The following C1orf21 variants were observed in gnomAD, a reference collection of about 807,000 sequenced individuals.
C1orf21 encodes the protein uncharacterized protein C1orf21.
A neutral mutation model predicts 18.7 loss-of-function variants in C1orf21; 3 were observed. The ratio of observed to expected loss-of-function variants is 0.16; its 90% confidence interval spans 0.07 to 0.42. The LOEUF is 0.42. Ranked by LOEUF, C1orf21 falls within the 10% of genes least tolerant of loss-of-function variation. The pLI, the probability that C1orf21 is intolerant of heterozygous loss-of-function variation, is 0.99. For missense variants in C1orf21, 104 were observed against 143.6 expected, an observed-to-expected ratio of 0.72 and a Z score of 1.41; for synonymous variants, 41 against 46.4, an observed-to-expected ratio of 0.88 and a Z score of 0.47.
intron 1 of C1orf21, among the ~76,000 whole-genome samples, chr1:184,460,221 C>G (rs1035703051): frequency 6.6e-6 from 1 of 152,174 alleles, no homozygotes; most frequent in African/African-American, 2.4e-5. Context: ...CAGGGAACAG[C>G]AAGAGGTAGG....
At chr1:184,419,871 C>T (rs1442776120) in intron 1 of C1orf21, among the ~76,000 whole-genome samples, 2 of 152,104 alleles carry the variant, frequency 1.3e-5, no homozygotes, top group African/African-American at 4.8e-5. Flanking sequence ...AAGGGCACAG[C>T]GCCAGATTGT....
chr1:184,540,491 T>C (rs1297109433), intron 3 of C1orf21, among the ~76,000 whole-genome samples: 1 of 152,070 alleles, frequency 6.6e-6, no homozygotes, highest in Non-Finnish European at 1.5e-5. Context: ...TGGAGTGCAG[T>C]GGCACGATCT....
At chr1:184,578,985 G>A (rs1659233613) in intron 3 of C1orf21, among the ~76,000 whole-genome samples, 1 of 120,746 alleles carries the variant, frequency 8.3e-6, no homozygotes. Flanking sequence ...CCATCCTCTT[G>A]TGAAGGTTAA....
chr1:184,558,601 A>G (rs754980264), intron 3 of C1orf21, among the ~76,000 whole-genome samples: 5 of 152,198 alleles, frequency 3.3e-5, no homozygotes, highest in African/African-American at 7.2e-5. Context: ...TTGGCTGCAG[A>G]TGGCCACTCC....
intron 1 of C1orf21, among the ~76,000 whole-genome samples, chr1:184,391,920 A>T (rs945859877): frequency 1.3e-5 from 2 of 151,956 alleles, no homozygotes; most frequent in African/African-American, 4.8e-5. Context: ...GTTGGCCAGG[A>T]TGGTCTCGAT....
chr1:184,468,400 A>AG (rs905308092), intron 1 of C1orf21, among the ~76,000 whole-genome samples: 1 of 152,078 alleles, frequency 6.6e-6, no homozygotes, highest in African/African-American at 2.4e-5. Flanking sequence ...TTTATTAAGG[A>AG]GGGGGAAAAA....
chr1:184,481,968 A>T (rs1241024023), intron 2 of C1orf21, among the ~76,000 whole-genome samples: 12 of 152,236 alleles, frequency 7.9e-5, no homozygotes, highest in African/African-American at 2.4e-4. Flanking sequence ...CAAGGAGAAG[A>T]AGTTTTCAAA....
At chr1:184,420,610 A>G (rs1656531783) in intron 1 of C1orf21, among the ~76,000 whole-genome samples, 1 of 152,180 alleles carries the variant, frequency 6.6e-6, no homozygotes, top group African/African-American at 2.4e-5. Flanking sequence ...AGGCCTTTTC[A>G]TTTTTAACTC....
chr1:184,425,421 A>G (rs918561292), intron 1 of C1orf21, among the ~76,000 whole-genome samples: 3 of 151,814 alleles, frequency 2.0e-5, no homozygotes, highest in Admixed American at 6.6e-5. Context: ...ATGTGCCACC[A>G]TGCCTAATTT....
At chr1:184,524,498 G>GA (rs1184895216) in intron 3 of C1orf21, among the ~76,000 whole-genome samples, 1 of 151,904 alleles carries the variant, frequency 6.6e-6, no homozygotes, top group East Asian at 1.9e-4. Context: ...GCATAAGATG[G>GA]AAAAAAATCA....
At chr1:184,441,477 C>T (rs1156513819) in intron 1 of C1orf21, among the ~76,000 whole-genome samples, 3 of 152,194 alleles carry the variant, frequency 2.0e-5, no homozygotes, top group Admixed American at 6.5e-5. Context: ...TATTCTTACT[C>T]AACCTAAAGG....
At chr1:184,563,964 A>G (rs1441007903) in intron 3 of C1orf21, among the ~76,000 whole-genome samples, 2 of 152,190 alleles carry the variant, frequency 1.3e-5, no homozygotes, top group Admixed American at 6.5e-5. Context: ...AAGAAATGCT[A>G]ATAGTACTTA....
intron 1 of C1orf21, among the ~76,000 whole-genome samples, chr1:184,420,837 G>A (rs888587921): frequency 1.1e-4 from 16 of 151,866 alleles, no homozygotes; most frequent in Non-Finnish European, 2.1e-4. Flanking sequence ...AAGAAAACCT[G>A]TAATATATAA....
intron 2 of C1orf21, among the ~76,000 whole-genome samples, chr1:184,497,522 C>T (rs973474105): frequency 1.3e-5 from 2 of 152,148 alleles, no homozygotes; most frequent in South Asian, 2.1e-4. Context: ...GCTTTCTTCA[C>T]GAATGTGAGC....
rs186089299 is a variant in C1orf21 at position 184,572,350 on chromosome 1, C to T, written c.190-18389C>T. On this transcript the variant is annotated intron_variant, in intron 3 of 5. Coordinates refer to ENST00000235307, the MANE Select transcript of C1orf21 (RefSeq NM_030806.4). ...AGAGAGGAGGCGTAGGAAGAGGGAG[C>T]GAGGGAGCGAGAACATGCATATAGG... 4.7e-3 allele frequency among the ~76,000 whole-genome samples: 717 copies of T among 152,148 alleles called. 8 individuals carry two copies. Among genetic ancestry groups the T allele is most frequent in the Non-Finnish European group, 5.8e-3 (397 of 68,004 alleles).
At chr1:184,560,097 T>C (rs1658940918) in intron 3 of C1orf21, among the ~76,000 whole-genome samples, 1 of 152,100 alleles carries the variant, frequency 6.6e-6, no homozygotes, top group South Asian at 2.1e-4. Flanking sequence ...CTAATACATG[T>C]AGCAAGCAAT....
At chr1:184,398,385 G>A (rs189570173) in intron 1 of C1orf21, among the ~76,000 whole-genome samples, 1 of 152,220 alleles carries the variant, frequency 6.6e-6, no homozygotes, top group Admixed American at 6.5e-5. Context: ...ACTGGAATCC[G>A]AGCGCTCCTA....
rs534010813 is a variant in C1orf21 at position 184,547,179 on chromosome 1, C to T, written c.189+39497C>T. Among the ~76,000 whole-genome samples the T allele has an allele frequency of 3.9e-5, 6 of 152,182 alleles. No homozygotes were observed. The East Asian group carries it at 9.7e-4, about 25-fold the overall frequency. On this transcript the variant is annotated intron_variant, in intron 3 of 5. Transcript: ENST00000235307. The stretch of plus-strand genomic sequence containing the variant: ...GGGCAAGAGTAGGTTGATACAAAGC[C>T]GGAGCAGCCAGAAGAGGCCAGACCA...
chr1:184,532,096 C>T (rs1658470404), intron 3 of C1orf21, among the ~76,000 whole-genome samples: 1 of 151,152 alleles, frequency 6.6e-6, no homozygotes. Context: ...CTGATTTTCC[C>T]TAGAAAGCCA....
Sources: gnomAD v4.1 joint callset for allele counts (sites outside exome capture counted in the v4.1 genomes callset) on GRCh38, gnomAD v4.1.1 for gene constraint, MANE v1.5 for transcripts, NCBI Gene and HGNC (gene_info 2026-07-23, HGNC 2026-07-21) for gene names.